Variants in SLC15A4 observed in about 807,000 individuals in gnomAD.
SLC15A4 encodes the protein hPHT1.
A neutral mutation model predicts 46.1 loss-of-function variants in SLC15A4; 26 were observed. The ratio of observed to expected loss-of-function variants is 0.56; its 90% CI spans 0.41 to 0.78. SLC15A4 has a LOEUF of 0.78. SLC15A4 is among the 30% of genes least tolerant of loss of function. The probability of loss-of-function intolerance (pLI) is 0.00; values close to 1 mark genes in which losing one functional copy is unlikely to be tolerated. For synonymous variants in SLC15A4, 370 were observed against 333.4 expected, an observed-to-expected ratio of 1.11 and a Z score of -1.20; for missense variants, 751 against 755.7, an observed-to-expected ratio of 0.99 and a Z score of 0.07.
intron 2 of SLC15A4, among the ~76,000 whole-genome samples, chr12:128,812,524 G>A (rs906013088): frequency 6.6e-6 from 1 of 151,988 alleles, no homozygotes; most frequent in Non-Finnish European, 1.5e-5. Flanking sequence ...TCACGTATTC[G>A]CCAGGATGGT....
chr12:128,805,507 C>A (rs1955574365), intron 5 of SLC15A4, among the ~76,000 whole-genome samples: 1 of 152,098 alleles, frequency 6.6e-6, no homozygotes, highest in South Asian at 2.1e-4. Context: ...ATAAAACTTT[C>A]CAAGATTCCA....
chr12:128,800,022 T>C (rs1395752537), intron 6 of SLC15A4, among the ~76,000 whole-genome samples: 2 of 152,070 alleles, frequency 1.3e-5, no homozygotes, highest in East Asian at 3.9e-4. Flanking sequence ...TTTGTATTTT[T>C]AGTAGAGACA....
At chr12:128,818,680 G>C (rs528428541) in intron 1 of SLC15A4, among the ~76,000 whole-genome samples, 1 of 152,322 alleles carries the variant, frequency 6.6e-6, no homozygotes, top group South Asian at 2.1e-4. Context: ...GTAGTGTCTA[G>C]TATATTCAGA....
intron 1 of SLC15A4, among the ~76,000 whole-genome samples, chr12:128,818,900 G>T (rs75896873): frequency 3.3e-5 from 5 of 152,122 alleles, no homozygotes; most frequent in African/African-American, 4.8e-5. Context: ...TCATGCAGCC[G>T]AATGTTTTCA....
intron 2 of SLC15A4, chr12:128,813,512 T>C (rs1442710792): frequency 6.6e-6 from 1 of 152,192 alleles, no homozygotes; most frequent in Admixed American, 6.5e-5. Flanking sequence ...GCTATTTTGG[T>C]GAAGTTTCAA....
At position 128,799,396 on chromosome 12, in the gene SLC15A4, G is replaced by T. The variant is rs757344267; in HGVS notation, c.1436C>A (p.Ala479Asp). 6 of 1,614,170 alleles carry T rather than the reference G, an allele frequency of 3.7e-6. No individual in the cohort carries two copies. The East Asian group carries it at 1.3e-4, about 36-fold the overall frequency. ...SIAGLEFAYS[A>D]APKSMQSAIM... The stretch of plus-strand genomic sequence containing the variant: ...GGCACTCTGCATGGACTTGGGGGCA[G>T]CTGAGTATGCAAATTCCAGGCCTGA... Residue 479 changes from alanine (A) to aspartate (D), a missense_variant, in exon 7 of 8, where the codon GCT (alanine) becomes GAT (aspartate). By Grantham distance (126) the Ala-to-Asp change is moderately radical (BLOSUM62 -2). Coordinates refer to ENST00000266771, the MANE Select transcript of SLC15A4 (RefSeq NM_145648.4).
chr12:128,800,361 C>T (rs1378355102), intron 6 of SLC15A4, among the ~76,000 whole-genome samples: 2 of 152,204 alleles, frequency 1.3e-5, no homozygotes, highest in African/African-American at 4.8e-5. Context: ...CTCATCTTCT[C>T]TTCTCTCTCA....
chr12:128,814,851 C>T lies in SLC15A4; in HGVS notation c.766G>A (p.Ala256Thr). ...VFITKPPDGS[A>T]FTDMFKILTY... ...AGTATCTTGAACATGTCGGTGAAGG[C>T]ACTGCCATCAGGAGGCTTGGTGATG... The change falls in exon 2 of 8, where the codon GCC (alanine) becomes ACC (threonine). Residue 256 changes from alanine to threonine, a missense_variant. Coordinates refer to ENST00000266771, the MANE Select transcript of SLC15A4 (RefSeq NM_145648.4). 2 of 1,614,224 alleles carry T rather than the reference C, an allele frequency of 1.2e-6. No individual in the cohort carries two copies. The highest frequency in any genetic ancestry group is 1.7e-6 in the Non-Finnish European group (2 of 1,180,046).
rs766733949 is a variant in SLC15A4 at position 128,794,321 on chromosome 12, A to G, written c.1609T>C (p.Phe537Leu). Residue 537 changes from phenylalanine to leucine, a missense_variant, in exon 8 of 8, where the codon TTT becomes CTT. Phe to Leu is a conservative substitution (Grantham distance 22). Coordinates refer to ENST00000266771, the MANE Select transcript of SLC15A4 (RefSeq NM_145648.4). ...GCTCCTTGAATAGCAGCCAGAAGAA[A>G]AAAGTAATAGTTCAAATAGCAGCCG... is the stretch of plus-strand genomic sequence containing the variant. Reference protein sequence around the residue: ...INGCYLNYYFFLLAAIQGATL... With the variant: ...INGCYLNYYFLLLAAIQGATL... The G allele has an allele frequency of 1.2e-6, 2 of 1,613,432 alleles. No individual in the cohort carries two copies. The highest frequency in any genetic ancestry group is 1.3e-5 in the African/African-American group (1 of 74,984).
intron 7 of SLC15A4, among the ~76,000 whole-genome samples, chr12:128,795,905 G>A (rs1184246611): frequency 6.6e-6 from 1 of 152,234 alleles, no homozygotes; most frequent in Non-Finnish European, 1.5e-5. Context: ...GCACGAGGTC[G>A]CAGGTGCGTG....
intron 6 of SLC15A4, 22 bp downstream of exon 6, chr12:128,800,832 C>T: frequency 1.3e-6 from 2 of 1,597,802 alleles, no homozygotes; most frequent in Non-Finnish European, 8.5e-7. Flanking sequence ...ACTCAGACAC[C>T]TCCGGCACTA....
chr12:128,823,254 G>A (rs1955875432), intron 1 of SLC15A4, 144 bp downstream of exon 1: 2 of 779,000 alleles, frequency 2.6e-6, no homozygotes, highest in Non-Finnish European at 3.6e-6. Flanking sequence ...CCACCTGCTG[G>A]CGGGATTCCT....
At chr12:128,802,191 C>A (rs932045505) in intron 5 of SLC15A4, among the ~76,000 whole-genome samples, 2 of 152,128 alleles carry the variant, frequency 1.3e-5, no homozygotes, top group South Asian at 4.1e-4. Context: ...TATTTAGAGC[C>A]CTTAGTTGTT....
At chr12:128,814,738 C>G in intron 2 of SLC15A4, 37 bp downstream of exon 2, 1 of 1,600,350 alleles carries the variant, frequency 6.2e-7, no homozygotes, top group Non-Finnish European at 8.5e-7. Context: ...TCGATAAAGT[C>G]CTTTCAAACA....
At position 128,806,165 on chromosome 12, in the gene SLC15A4, C is replaced by CAA. The variant is rs765448653; in HGVS notation, c.1258+2621_1258+2622dup. Among the ~76,000 whole-genome samples, 53 of 86,290 alleles carry CAA rather than the reference C, an allele frequency of 6.1e-4. 3 individuals are homozygous for CAA. Among genetic ancestry groups the CAA allele is most frequent in the Admixed American group, 8.6e-4 (6 of 7,000 alleles). The allele number at this position is 86,290 out of a possible 152,430, so 56.6% of individuals were successfully genotyped here. Reference sequence around the variant, plus strand: ...AGCCTGGGCGACAGAGACTCTGTCTCAAAAAAAAAAAAAAAAAGAAAAACC... The same window carrying CAA: ...AGCCTGGGCGACAGAGACTCTGTCTCAAAAAAAAAAAAAAAAAAAGAAAAACC... On this transcript the variant is annotated intron_variant, in intron 5 of 7. Coordinates refer to ENST00000266771, the MANE Select transcript of SLC15A4 (RefSeq NM_145648.4).
intron 4 of SLC15A4, 191 bp from the exon 5 acceptor site, chr12:128,809,147 G>C: frequency 1.6e-6 from 1 of 630,124 alleles, no homozygotes; most frequent in Middle Eastern, 4.3e-4. Context: ...TTGCTTTTCT[G>C]TGTTTTGAGG....
intron 7 of SLC15A4, among the ~76,000 whole-genome samples, chr12:128,798,506 A>C (rs902713419): frequency 1.3e-5 from 2 of 152,256 alleles, no homozygotes; most frequent in African/African-American, 2.4e-5. Context: ...AACGTTCACC[A>C]GATTCTCAAG....
At chr12:128,800,352 TCA>T (rs1319267486) in intron 6 of SLC15A4, among the ~76,000 whole-genome samples, 1 of 152,148 alleles carries the variant, frequency 6.6e-6, no homozygotes, top group African/African-American at 2.4e-5. Context: ...TGCATATCAC[TCA>T]TCTTCTCTTC....
chr12:128,823,761 G>A lies in SLC15A4; in HGVS notation c.183C>T (p.Phe61=), dbSNP rs896314634. The A allele has an allele frequency of 2.0e-6, 3 of 1,537,058 alleles. No individual in the cohort carries two copies. Among genetic ancestry groups the A allele is most frequent in the East Asian group, 2.6e-5 (1 of 38,470 alleles). The change falls in exon 1 of 8, where the codon TTC becomes TTT. Residue 61 remains phenylalanine (F), a synonymous_variant. Transcript: ENST00000266771. ...FYGITSNLVL[F]LNGAPFCWEG... is the part of the protein sequence containing the mutation. ...CCCAGCAGAACGGCGCCCCGTTCAG[G>A]AATAGCACCAGGTTGGACGTGATGC...
Sources: gnomAD v4.1 joint callset for allele counts (sites outside exome capture counted in the v4.1 genomes callset) on GRCh38, gnomAD v4.1.1 for gene constraint, MANE v1.5 for transcripts, NCBI Gene and HGNC (gene_info 2026-07-23, HGNC 2026-07-21) for gene names.